The following REST variants were observed in gnomAD, a reference collection of about 807,000 sequenced individuals.
The protein encoded by REST is RE1-silencing transcription factor.
REST carries 1 observed loss-of-function variant against 30.4 expected under a neutral mutation model. The ratio of observed to expected loss-of-function variants is 0.03; its 90% confidence interval spans 0.01 to 0.16. The LOEUF is 0.16. Ranked by LOEUF, REST falls within the 10% of genes least tolerant of loss-of-function variation. REST has a pLI of 1.00. For missense variants in REST, 1,259 were observed against 1,329.5 expected, an observed-to-expected ratio of 0.95 and a Z score of 0.82; for synonymous variants, 504 against 451.1, an observed-to-expected ratio of 1.12 and a Z score of -1.49.
chr4:56,927,622 T>C, intron 3 of REST: 1 of 1,197,136 alleles, frequency 8.4e-7, no homozygotes, highest in Non-Finnish European at 1.1e-6. Flanking sequence ...CAGTGGGGTA[T>C]GGATACCATT....
rs745534035 is a variant in REST, at chr4:56,930,139, A to G, written c.1281A>G (p.Leu427=). The G allele has an allele frequency of 1.9e-6, 3 of 1,613,668 alleles. No homozygotes were observed. The highest frequency in any genetic ancestry group is 2.5e-6 in the Non-Finnish European group (3 of 1,179,930). The change falls in exon 4 of 4, where the codon CTA becomes CTG. Residue 427 remains leucine, a synonymous_variant. Coordinates refer to ENST00000309042, the MANE Select transcript of REST (RefSeq NM_005612.5). ...CAATGGATGTCTCAAAAGTGAAACT[A>G]AAGAAAACCAAAAAACGAGAGGCTG... ...NKTMDVSKVK[L]KKTKKREADL...
At chr4:56,913,674 G>C (rs1427420278) in intron 2 of REST, among the ~76,000 whole-genome samples, 1 of 151,982 alleles carries the variant, frequency 6.6e-6, no homozygotes, top group Non-Finnish European at 1.5e-5. Flanking sequence ...TTGGAGATAG[G>C]ATCTCCCTCT....
chr4:56,912,527 T>A (rs112847589), intron 2 of REST, among the ~76,000 whole-genome samples: 1,553 of 151,738 alleles, frequency 0.01, 13 homozygotes, highest in Non-Finnish European at 0.016. Context: ...CTAATTTTTT[T>A]TTTTTGAGAC....
In REST at chr4:56,930,786, A is replaced by G; in HGVS notation, c.1928A>G (p.Gln643Arg). Reference sequence around the variant, plus strand: ...GAGCATGCTCAGATGGAGGGTGCCCAGATACGGCCTGCTCCTGACGAGCCT... The same window carrying G: ...GAGCATGCTCAGATGGAGGGTGCCCGGATACGGCCTGCTCCTGACGAGCCT... ...PMEHAQMEGA[Q>R]IRPAPDEPVQ... is the part of the protein sequence containing the mutation. The change falls in exon 4 of 4, where the codon CAG (glutamine) becomes CGG (arginine). Residue 643 changes from glutamine to arginine, a missense_variant. Physicochemically the swap from Gln to Arg is conservative, Grantham distance 43 (BLOSUM62 1). Transcript: ENST00000309042. The G allele has an allele frequency of 6.2e-7, 1 of 1,605,012 alleles. No homozygotes were observed. The highest frequency in any genetic ancestry group is 1.1e-5 in the South Asian group (1 of 90,104).
At chr4:56,929,081 TTTC>T (rs1375037361) in intron 3 of REST, among the ~76,000 whole-genome samples, 3 of 151,710 alleles carry the variant, frequency 2.0e-5, no homozygotes, top group African/African-American at 7.3e-5. Context: ...TTTTTTTTTT[TTTC>T]TTTGAGACAC....
intron 2 of REST, among the ~76,000 whole-genome samples, chr4:56,914,385 CAT>C (rs1367471128): frequency 1.3e-5 from 2 of 152,134 alleles, no homozygotes; most frequent in Admixed American, 6.5e-5. Context: ...ATGGATGGCT[CAT>C]GTGTTGAATG....
At chr4:56,921,001 G>T (rs1720422061) in intron 3 of REST, among the ~76,000 whole-genome samples, 2 of 152,038 alleles carry the variant, frequency 1.3e-5, no homozygotes, top group African/African-American at 4.8e-5. Flanking sequence ...GAATAGCTGG[G>T]ATTACAGGCG....
At chr4:56,908,944 GC>G (rs1719760424) in intron 1 of REST, 1 of 151,482 alleles carries the variant, frequency 6.6e-6, no homozygotes, top group Non-Finnish European at 1.5e-5. Flanking sequence ...TCGCGAGGGC[GC>G]CCGCGGAGCC....
intron 3 of REST, among the ~76,000 whole-genome samples, chr4:56,924,277 A>G (rs900172072): frequency 2.0e-5 from 3 of 152,200 alleles, no homozygotes; most frequent in Admixed American, 6.5e-5. Flanking sequence ...TTTAAAAACT[A>G]TTTTATTGAG....
intron 1 of REST, among the ~76,000 whole-genome samples, chr4:56,909,838 A>G (rs1486620081): frequency 1.3e-5 from 2 of 152,238 alleles, no homozygotes; most frequent in Non-Finnish European, 2.9e-5. Flanking sequence ...AATGCAAGAA[A>G]GTTGCTGATT....
intron 2 of REST, among the ~76,000 whole-genome samples, chr4:56,915,023 C>T (rs1210625955): frequency 6.9e-6 from 1 of 145,520 alleles, no homozygotes; most frequent in Non-Finnish European, 1.5e-5. Flanking sequence ...CTCCCAGGTA[C>T]AAGCAATTAT....
At chr4:56,912,470 C>T (rs1560442948) in intron 2 of REST, among the ~76,000 whole-genome samples, 1 of 150,802 alleles carries the variant, frequency 6.6e-6, no homozygotes. Flanking sequence ...CTCCCTGGCT[C>T]AGCCTCCCGA....
chr4:56,921,261 CT>C lies in REST; in HGVS notation c.982+1392del, dbSNP rs1366682033. On this transcript the variant is annotated intron_variant, in intron 3 of 3. Transcript: ENST00000309042. ...GTTACAAAAGCCTATGTAGAACCAT[CT>C]CCCTTAAGTTAATAATTAGCTTAGA... 3.3e-5 allele frequency among the ~76,000 whole-genome samples: 5 copies of C among 152,292 alleles called. No homozygotes were observed. The East Asian group carries it at 9.7e-4, about 29-fold the overall frequency.
intron 1 of REST, chr4:56,909,737 A>T (rs1719808392): frequency 6.6e-6 from 1 of 152,220 alleles, no homozygotes; most frequent in Non-Finnish European, 1.5e-5. Flanking sequence ...TTTTAGATTG[A>T]GAAGTAACGT....
At position 56,933,794 on chromosome 4, in the gene REST, A is replaced by G. The variant is rs753717050; in HGVS notation, c.*1642A>G. 6.6e-6 allele frequency: 1 copy of G among 152,176 alleles called. No individual in the cohort carries two copies. Among genetic ancestry groups the G allele is most frequent in the Non-Finnish European group, 1.5e-5 (1 of 68,020 alleles). The allele number at this position is 152,176 out of a possible 1,614,324, so 9.4% of individuals were successfully genotyped here. A position where few individuals can be genotyped will look rare whatever the true frequency, so the allele number is the denominator to read the frequency against. On this transcript the variant is annotated 3_prime_UTR_variant, in exon 4 of 4. Coordinates refer to ENST00000309042, the MANE Select transcript of REST (RefSeq NM_005612.5). ...TTGCAGTAAAATAAAATATGATCCC[A>G]TTAGGGAATCTTGAATTCTGACCTC...
chr4:56,917,052 C>G (rs373916253), intron 2 of REST, among the ~76,000 whole-genome samples: 1 of 152,282 alleles, frequency 6.6e-6, no homozygotes, highest in East Asian at 1.9e-4. Flanking sequence ...TTACAGCTAT[C>G]TTAGTGGATA....
intron 1 of REST, among the ~76,000 whole-genome samples, chr4:56,910,403 G>A (rs1241074927): frequency 6.6e-6 from 1 of 152,220 alleles, no homozygotes. Flanking sequence ...ACAATTGGTA[G>A]AATTGTTTTA....
chr4:56,913,679 C>T (rs1334366044), intron 2 of REST, among the ~76,000 whole-genome samples: 1 of 152,072 alleles, frequency 6.6e-6, no homozygotes, highest in African/African-American at 2.4e-5. Context: ...GATAGGATCT[C>T]CCTCTGTGCC....
At chr4:56,918,522 C>T (rs1033803595) in intron 2 of REST, among the ~76,000 whole-genome samples, 1 of 152,026 alleles carries the variant, frequency 6.6e-6, no homozygotes, top group Non-Finnish European at 1.5e-5. Context: ...AAATTGATGA[C>T]CTTCTCTTAA....
Sources: gnomAD v4.1 joint callset for allele counts (sites outside exome capture counted in the v4.1 genomes callset) on GRCh38, gnomAD v4.1.1 for gene constraint, MANE v1.5 for transcripts, NCBI Gene and HGNC (gene_info 2026-07-23, HGNC 2026-07-21) for gene names.